Variants in USP13 observed in about 807,000 individuals in gnomAD.
The protein encoded by USP13 is ubiquitin carboxyl-terminal hydrolase 13.
Under a neutral mutation model 107.8 loss-of-function variants are expected in USP13, and 68 were observed. The observed-to-expected ratio is 0.63, with a 90% CI of 0.52 to 0.77. USP13 has a LOEUF of 0.77. USP13 is among the 30% of genes least tolerant of loss of function. The pLI, the probability that USP13 is intolerant of heterozygous loss-of-function variation, is 0.00. For synonymous variants in USP13, 377 were observed against 389.5 expected (o/e 0.97, Z 0.38); for missense variants, 945 against 1,093.3 (o/e 0.86, Z 1.91).
At chr3:179,780,743 T>C (rs569817959) in intron 19 of USP13, among the ~76,000 whole-genome samples, 5 of 152,226 alleles carry the variant, frequency 3.3e-5, no homozygotes, top group South Asian at 4.1e-4. Flanking sequence ...GTAAGTTGAA[T>C]GAGCCTGAGT....
intron 1 of USP13, among the ~76,000 whole-genome samples, chr3:179,668,220 G>A (rs1720642978): frequency 6.6e-6 from 1 of 151,980 alleles, no homozygotes; most frequent in Non-Finnish European, 1.5e-5. Context: ...GGCTGGCATC[G>A]ACCTCCTGGG....
rs1036590274 is a variant in USP13 at position 179,788,861 on chromosome 3, A to G, written c.*4720A>G. ...AAATATTTTTGCTGGAGTCAGGAGC[A>G]CTGTGAGGCACAGAACATCTCCCAG... On this transcript the variant is annotated 3_prime_UTR_variant, in exon 21 of 21. Coordinates refer to ENST00000263966, the MANE Select transcript of USP13 (RefSeq NM_003940.3). The G allele has an allele frequency of 2.6e-5, 4 of 152,242 alleles. No homozygotes were observed. The highest frequency in any genetic ancestry group is 2.1e-4 in the South Asian group (1 of 4,830). 9.4% of individuals were successfully genotyped at this position (152,242 alleles called of 1,614,324 possible).
At chr3:179,698,232 T>A (rs1304547178) in intron 3 of USP13, among the ~76,000 whole-genome samples, 1 of 152,166 alleles carries the variant, frequency 6.6e-6, no homozygotes, top group Non-Finnish European at 1.5e-5. Flanking sequence ...ACCATGGTCT[T>A]GCAGCCAAAG....
At chr3:179,780,339 A>G (rs1715702562) in intron 19 of USP13, among the ~76,000 whole-genome samples, 2 of 152,230 alleles carry the variant, frequency 1.3e-5, no homozygotes, top group Admixed American at 1.3e-4. Flanking sequence ...GTCCAGAGGA[A>G]TCGACTAAAA....
intron 12 of USP13, among the ~76,000 whole-genome samples, chr3:179,744,352 TTTG>T (rs1156354091): frequency 0.03 from 4,001 of 131,764 alleles, 171 homozygotes; most frequent in African/African-American, 0.098. Flanking sequence ...TGTTTTTTTT[TTTG>T]TTTTGTTTTG....
intron 13 of USP13, among the ~76,000 whole-genome samples, chr3:179,747,544 G>C (rs1040467304): frequency 2.6e-5 from 4 of 152,148 alleles, no homozygotes; most frequent in Non-Finnish European, 4.4e-5. Context: ...GTCTGTGCCT[G>C]CCTCTCCCTA....
intron 4 of USP13, among the ~76,000 whole-genome samples, chr3:179,706,708 G>A (rs188353538): frequency 7.2e-5 from 11 of 152,288 alleles, no homozygotes; most frequent in African/African-American, 2.6e-4. Context: ...AATGAATTTA[G>A]TTTCTTGCTA....
intron 17 of USP13, among the ~76,000 whole-genome samples, chr3:179,761,847 C>T (rs1715025063): frequency 6.6e-6 from 1 of 152,184 alleles, no homozygotes; most frequent in African/African-American, 2.4e-5. Flanking sequence ...GGATATACTT[C>T]TAACTAAGCG....
At chr3:179,686,271 A>T (rs1397659333) in intron 2 of USP13, among the ~76,000 whole-genome samples, 1 of 152,182 alleles carries the variant, frequency 6.6e-6, no homozygotes, top group African/African-American at 2.4e-5. Flanking sequence ...CTGGACAGGA[A>T]CTCACTTAAC....
rs1226596053 is a variant in USP13, at chr3:179,653,313, C to T, written c.88C>T (p.Pro30Ser). The T allele has an allele frequency of 6.3e-7, 1 of 1,577,870 alleles. No individual in the cohort carries two copies. Among genetic ancestry groups the T allele is most frequent in the Non-Finnish European group, 8.6e-7 (1 of 1,162,358 alleles). ...AGGAGACATCGGCGAGCTGCTAGTG[C>T]CCCACATGCCCACGATCCGCGTGCC... ...AAGDIGELLV[P>S]HMPTIRVPRS... The change falls in exon 1 of 21, where the codon CCC (proline) becomes TCC (serine). Residue 30 changes from proline (P) to serine (S), a missense_variant. Physicochemically the swap from Pro to Ser is moderately conservative, Grantham distance 74. Coordinates refer to ENST00000263966, the MANE Select transcript of USP13 (RefSeq NM_003940.3). This position sits in a 1 kb window ranked among gnomAD's most constrained non-coding sequence, Gnocchi z 4.0.
intron 1 of USP13, among the ~76,000 whole-genome samples, chr3:179,657,419 T>G (rs903715486): frequency 6.9e-6 from 1 of 145,074 alleles, no homozygotes; most frequent in Non-Finnish European, 1.5e-5. Context: ...AATAAAAAAA[T>G]TAAAAAGGAG....
intron 5 of USP13, 117 bp from the exon 6 acceptor site, chr3:179,708,656 C>G: frequency 7.8e-7 from 1 of 1,274,312 alleles, no homozygotes; most frequent in Non-Finnish European, 1.1e-6. Context: ...GCATCAGTCT[C>G]TGTTATTCCA....
At chr3:179,738,669 C>T (rs1398744982) in intron 10 of USP13, among the ~76,000 whole-genome samples, 4 of 152,166 alleles carry the variant, frequency 2.6e-5, no homozygotes, top group African/African-American at 7.2e-5. Flanking sequence ...TGGAATCTTC[C>T]TACCTGCCTC....
intron 1 of USP13, among the ~76,000 whole-genome samples, chr3:179,677,684 A>G (rs1006724581): frequency 6.6e-6 from 1 of 152,240 alleles, no homozygotes; most frequent in African/African-American, 2.4e-5. Context: ...TTAAGAAACT[A>G]TAGACTCTTG....
intron 1 of USP13, among the ~76,000 whole-genome samples, chr3:179,660,297 AG>A (rs955512884): frequency 6.6e-6 from 1 of 152,096 alleles, no homozygotes; most frequent in Non-Finnish European, 1.5e-5. Context: ...CCCTTCTCCT[AG>A]CCCCTTGTAA....
At chr3:179,685,693 A>G (rs560935392) in intron 2 of USP13, among the ~76,000 whole-genome samples, 62 of 152,100 alleles carry the variant, frequency 4.1e-4, no homozygotes, top group Middle Eastern at 3.4e-3. Flanking sequence ...TCAGGGTCAC[A>G]AAGTTAGCAG....
chr3:179,662,845 C>G (rs909575890), intron 1 of USP13, among the ~76,000 whole-genome samples: 1 of 152,160 alleles, frequency 6.6e-6, no homozygotes, highest in Non-Finnish European at 1.5e-5. Flanking sequence ...TCTTTTTCCT[C>G]CCCTGCATTC....
chr3:179,693,160 G>A (rs575524668), intron 3 of USP13, among the ~76,000 whole-genome samples: 5 of 151,750 alleles, frequency 3.3e-5, no homozygotes, highest in South Asian at 2.1e-4. Context: ...TTTCTTTTTC[G>A]GTTTTTGAGA....
At chr3:179,713,679 A>G (rs930186694) in intron 6 of USP13, among the ~76,000 whole-genome samples, 1 of 152,184 alleles carries the variant, frequency 6.6e-6, no homozygotes, top group Non-Finnish European at 1.5e-5. Context: ...ACTGCCAGTA[A>G]GTAGGATGTT....
Sources: allele counts gnomAD v4.1 joint callset (sites outside exome capture counted in the v4.1 genomes callset), GRCh38; gene constraint gnomAD v4.1.1; non-coding constraint Gnocchi (gnomAD v3.1); transcripts MANE v1.5; gene names NCBI Gene and HGNC (gene_info 2026-07-23, HGNC 2026-07-21).